The following KHDRBS2 variants were observed in gnomAD, a reference collection of about 807,000 sequenced individuals.
KHDRBS2 encodes KH domain-containing, RNA-binding, signal transduction-associated protein 2.
In KHDRBS2, 26 loss-of-function variants were observed where a neutral mutation model predicts 44.3. The observed-to-expected ratio is 0.59, with a 90% CI of 0.43 to 0.81. The LOEUF is 0.81. Ranked by LOEUF, KHDRBS2 falls within the 40% of genes least tolerant of loss-of-function variation. The pLI is 0.00. For missense variants in KHDRBS2, 476 were observed against 433.1 expected (o/e 1.10, Z -0.88); for synonymous variants, 194 against 151.1 (o/e 1.28, Z -2.08).
chr6:62,137,025 G>T (rs1332510140), intron 2 of KHDRBS2, among the ~76,000 whole-genome samples: 2 of 117,564 alleles, frequency 1.7e-5, no homozygotes, highest in African/African-American at 3.2e-5. Context: ...TTTTGAGACG[G>T]AGTCTCCCTC....
At chr6:61,958,084 T>C (rs1394194158) in intron 4 of KHDRBS2, among the ~76,000 whole-genome samples, 3 of 152,208 alleles carry the variant, frequency 2.0e-5, no homozygotes, top group Non-Finnish European at 4.4e-5. Flanking sequence ...AAGTTCTGAT[T>C]GACCTAGTCT....
intron 4 of KHDRBS2, among the ~76,000 whole-genome samples, chr6:61,902,083 G>A (rs1484200604): frequency 6.6e-6 from 1 of 152,110 alleles, no homozygotes; most frequent in Non-Finnish European, 1.5e-5. Flanking sequence ...AGCCTCTGGA[G>A]TAACTGGAAT....
intron 2 of KHDRBS2, among the ~76,000 whole-genome samples, chr6:62,055,693 A>G (rs1377050333): frequency 1.3e-5 from 2 of 152,048 alleles, no homozygotes; most frequent in African/African-American, 4.8e-5. Flanking sequence ...TCCACACCAT[A>G]ACCAGCATTT....
intron 2 of KHDRBS2, among the ~76,000 whole-genome samples, chr6:62,098,758 C>G (rs990549365): frequency 1.3e-5 from 2 of 152,180 alleles, no homozygotes; most frequent in African/African-American, 4.8e-5. Flanking sequence ...TCAAATCCCA[C>G]TTAAACCCAG....
intron 3 of KHDRBS2, among the ~76,000 whole-genome samples, chr6:62,006,026 A>G (rs555733133): frequency 2.0e-5 from 3 of 152,162 alleles, no homozygotes; most frequent in African/African-American, 7.2e-5. Flanking sequence ...TTTCCATAGC[A>G]GCCTCCAATG....
chr6:61,915,280 G>A (rs116303315), intron 4 of KHDRBS2, among the ~76,000 whole-genome samples: 339 of 152,112 alleles, frequency 2.2e-3, no homozygotes, highest in African/African-American at 7.8e-3. Flanking sequence ...CAGACAAAAG[G>A]CAATGGAAGT....
At chr6:61,647,869 C>T in the KHDRBS2 span, among the ~76,000 whole-genome samples, 1 of 152,082 alleles carries the variant, frequency 6.6e-6, no homozygotes, top group Non-Finnish European at 1.5e-5. Context: ...GTAGAGGTCA[C>T]AGACTTCACA....
At chr6:61,690,427 A>G (rs1475366183) in intron 8 of KHDRBS2, among the ~76,000 whole-genome samples, 2 of 152,018 alleles carry the variant, frequency 1.3e-5, no homozygotes. Context: ...CCATTAACTC[A>G]GCAGAAAAGG....
At chr6:61,772,672 G>T (rs957856180) in intron 6 of KHDRBS2, among the ~76,000 whole-genome samples, 5 of 151,168 alleles carry the variant, frequency 3.3e-5, no homozygotes, top group Non-Finnish European at 7.4e-5. Context: ...TAAGTTTTAG[G>T]GTACATGTGC....
intron 6 of KHDRBS2, among the ~76,000 whole-genome samples, chr6:61,845,983 G>C (rs1235901885): frequency 1.3e-5 from 2 of 152,116 alleles, no homozygotes; most frequent in East Asian, 3.9e-4. Flanking sequence ...TCGTGATAGT[G>C]AGTTTTCATG....
chr6:62,081,019 T>C (rs1368832596), intron 2 of KHDRBS2, among the ~76,000 whole-genome samples: 2 of 152,134 alleles, frequency 1.3e-5, no homozygotes, highest in Non-Finnish European at 2.9e-5. Context: ...TCTTATTAGC[T>C]TCCTTTAATA....
intron 6 of KHDRBS2, among the ~76,000 whole-genome samples, chr6:61,792,333 A>C (rs1267128032): frequency 6.6e-6 from 1 of 151,446 alleles, no homozygotes; most frequent in Non-Finnish European, 1.5e-5. Context: ...ATCACATATT[A>C]GTTTTCCTAC....
At chr6:61,959,192 G>T (rs893296748) in intron 4 of KHDRBS2, among the ~76,000 whole-genome samples, 7 of 152,160 alleles carry the variant, frequency 4.6e-5, no homozygotes, top group Non-Finnish European at 8.8e-5. Context: ...TATTGGATGA[G>T]ATTGTTAAGA....
chr6:61,681,237 C>T (rs1766258931), intron 8 of KHDRBS2, among the ~76,000 whole-genome samples, 177 bp from the exon 9 acceptor site: 1 of 151,792 alleles, frequency 6.6e-6, no homozygotes, highest in Non-Finnish European at 1.5e-5. Flanking sequence ...TAAATGTGTA[C>T]TGTGTATTTA....
At chr6:61,713,357 A>T (rs1012572956) in intron 7 of KHDRBS2, among the ~76,000 whole-genome samples, 7 of 151,670 alleles carry the variant, frequency 4.6e-5, no homozygotes, top group African/African-American at 1.5e-4. Flanking sequence ...TAATATCTGT[A>T]TCTTCTTTTG....
intron 6 of KHDRBS2, among the ~76,000 whole-genome samples, chr6:61,832,503 C>T (rs1791986052): frequency 6.6e-6 from 1 of 152,030 alleles, no homozygotes; most frequent in Non-Finnish European, 1.5e-5. Flanking sequence ...GCTGCCATTT[C>T]TGCCTTGGGA....
At position 61,954,720 on chromosome 6, in the gene KHDRBS2, AC is replaced by A. The variant is rs1364169517; in HGVS notation, c.483+23345del. 3.4e-5 allele frequency among the ~76,000 whole-genome samples: 4 copies of A among 117,484 alleles called. 1 individual carries two copies. The highest frequency in any genetic ancestry group is 7.7e-5 in the Non-Finnish European group (4 of 52,218). The allele number at this position is 117,484 out of a possible 152,430, so 77.1% of individuals were successfully genotyped here. On this transcript the variant is annotated intron_variant, in intron 4 of 8. Coordinates refer to ENST00000281156, the MANE Select transcript of KHDRBS2 (RefSeq NM_152688.4). ...TACATATGTGTATATACACATGCAT[AC>A]TTATGTATACATACATATGTGTATA... is the stretch of plus-strand genomic sequence containing the variant.
intron 6 of KHDRBS2, among the ~76,000 whole-genome samples, chr6:61,834,384 G>A (rs1232068966): frequency 6.6e-6 from 1 of 151,978 alleles, no homozygotes; most frequent in Non-Finnish European, 1.5e-5. Flanking sequence ...ACTACATAAT[G>A]AAGTCAACAT....
At position 61,914,011 on chromosome 6, in the gene KHDRBS2, A is replaced by G. The variant is rs557748903; in HGVS notation, c.484-12640T>C. 5.3e-5 allele frequency among the ~76,000 whole-genome samples: 8 copies of G among 152,224 alleles called. No homozygotes were observed. The East Asian group carries it at 9.7e-4, about 18-fold the overall frequency. On this transcript the variant is annotated intron_variant, in intron 4 of 8. Coordinates refer to ENST00000281156, the MANE Select transcript of KHDRBS2 (RefSeq NM_152688.4). The stretch of plus-strand genomic sequence containing the variant: ...AAGTATAACAGAAGGCCTAAGGAAT[A>G]TTTAAGATGGACAGTGAAATAACCA...
Sources: gnomAD v4.1 joint callset for allele counts (sites outside exome capture counted in the v4.1 genomes callset) on GRCh38, gnomAD v4.1.1 for gene constraint, MANE v1.5 for transcripts, NCBI Gene and HGNC (gene_info 2026-07-23, HGNC 2026-07-21) for gene names.